Variants in RIF1 observed in about 807,000 individuals in gnomAD.
RIF1 encodes telomere-associated protein RIF1.
Under a neutral mutation model 247.1 loss-of-function variants are expected in RIF1, and 45 were observed. That is an observed-to-expected ratio of 0.18 (90% CI 0.14 to 0.23). The LOEUF (loss-of-function observed/expected upper bound fraction) is 0.23, where lower values mean the gene tolerates loss of function less well. Among genes scored for constraint, RIF1 ranks in the 10% least tolerant of loss-of-function variants. The pLI is 1.00. For missense variants in RIF1, 2,967 were observed against 2,862.5 expected, an observed-to-expected ratio of 1.04 and a Z score of -0.83; for synonymous variants, 1,087 against 978.8, an observed-to-expected ratio of 1.11 and a Z score of -2.06.
At position 151,418,760 on chromosome 2, in the gene RIF1, G is replaced by A. The variant is rs147725445; in HGVS notation, c.504-1430G>A. On this transcript the variant is annotated intron_variant, in intron 6 of 35. Coordinates refer to ENST00000444746, the MANE Select transcript of RIF1 (RefSeq NM_018151.5). ...GTGGTGACGCGTGCCTGTAATCTCAGCTATATGGGAGACTGAGGCATTGAG... is the reference window on the plus strand; with the variant it reads ...GTGGTGACGCGTGCCTGTAATCTCAACTATATGGGAGACTGAGGCATTGAG... Among the ~76,000 whole-genome samples the A allele has an allele frequency of 4.7e-4, 72 of 152,060 alleles. No individual in the cohort carries two copies. In the East Asian group the frequency reaches 0.012, roughly 25 times the overall value.
chr2:151,465,047 TC>T lies in RIF1; in HGVS notation c.5528del (p.Ser1843LeufsTer24). 6.3e-7 allele frequency: 1 copy of T among 1,588,748 alleles called. No individual in the cohort carries two copies. Among genetic ancestry groups the T allele is most frequent in the Non-Finnish European group, 8.5e-7 (1 of 1,173,552 alleles). ...NFREEICDMD[S>X]SEAMSLESQE... ...TAGAGAGGAAATTTGTGATATGGAT[TC>T]TAGTGAAGCAATGTCTCTTGAAAGC... On this transcript the variant is annotated frameshift_variant, in exon 30 of 36. Transcript: ENST00000444746. LOFTEE classifies it high-confidence loss of function.
At chr2:151,524,486 G>T in the RIF1 span, 2 of 1,612,934 alleles carry the variant, frequency 1.2e-6, no homozygotes, top group Middle Eastern at 1.6e-4. Flanking sequence ...GGCTGTTGGG[G>T]ACTGGGGACA....
intron 21 of RIF1, among the ~76,000 whole-genome samples, chr2:151,454,175 G>C (rs907010940): frequency 6.6e-6 from 1 of 152,080 alleles, no homozygotes; most frequent in Admixed American, 6.6e-5. Context: ...TTAAGCATTC[G>C]TTTTCTGTTA....
chr2:151,449,679 C>G (rs1174576784), intron 20 of RIF1, among the ~76,000 whole-genome samples: 1 of 152,124 alleles, frequency 6.6e-6, no homozygotes, highest in Non-Finnish European at 1.5e-5. Flanking sequence ...CTAAGTCTAC[C>G]AAGGAAAACA....
chr2:151,503,736 G>T (rs78007533), intron 12 of RIF1, among the ~76,000 whole-genome samples: 4,083 of 152,230 alleles, frequency 0.027, 73 homozygotes, highest in African/African-American at 0.047. Context: ...TAACCATTTT[G>T]TTGCATCTAG....
the RIF1 span, among the ~76,000 whole-genome samples, chr2:151,521,410 TAAA>T: frequency 4.1e-5 from 6 of 147,902 alleles, no homozygotes; most frequent in Admixed American, 1.3e-4. Flanking sequence ...ACTCTCAACA[TAAA>T]GAAGTGGAAG....
chr2:151,501,570 AT>A, intron 11 of RIF1: 1 of 640,888 alleles, frequency 1.6e-6, no homozygotes, highest in Non-Finnish European at 2.4e-6. Flanking sequence ...TAAAAGAAGT[AT>A]TTTTATTGTT....
At position 151,461,223 on chromosome 2, in the gene RIF1, C is replaced by T; in HGVS notation, c.3161C>T (p.Pro1054Leu). The change falls in exon 27 of 36, where the codon CCA (proline) becomes CTA (leucine). Residue 1054 changes from proline to leucine, a missense_variant. By Grantham distance (98) the Pro-to-Leu change is moderately conservative (BLOSUM62 -3). Transcript: ENST00000444746. ...EKSTDFVFIP[P>L]EGKDAKERIL... ...TCTACTGACTTTGTGTTTATACCTC[C>T]AGAAGGAAAAGATGCAAAGGAAAGA... The T allele has an allele frequency of 2.5e-6, 4 of 1,613,442 alleles. No homozygotes were observed. Among genetic ancestry groups the T allele is most frequent in the Non-Finnish European group, 3.4e-6 (4 of 1,179,710 alleles).
At chr2:151,527,635 CAT>C in the RIF1 span, 1 of 1,317,580 alleles carries the variant, frequency 7.6e-7, no homozygotes, top group East Asian at 2.4e-5. Flanking sequence ...AGGCTAAATT[CAT>C]AAACACACAC....
intron 7 of RIF1, among the ~76,000 whole-genome samples, chr2:151,420,632 G>A (rs1688003145): frequency 2.0e-5 from 3 of 151,654 alleles, no homozygotes; most frequent in South Asian, 4.2e-4. Context: ...AGATGCTTGG[G>A]AGACTAAGGC....
At chr2:151,453,304 C>T (rs994280437) in intron 21 of RIF1, among the ~76,000 whole-genome samples, 2 of 152,068 alleles carry the variant, frequency 1.3e-5, no homozygotes, top group Non-Finnish European at 2.9e-5. Flanking sequence ...AGGCTGGGTG[C>T]AGTGGCTCAC....
intron 6 of RIF1, among the ~76,000 whole-genome samples, chr2:151,417,943 C>T (rs967168870): frequency 1.3e-5 from 2 of 151,966 alleles, no homozygotes; most frequent in Admixed American, 6.6e-5. Flanking sequence ...ACTTCTAACA[C>T]GATACTATTT....
chr2:151,437,199 A>ATCTGTTGTT, intron 12 of RIF1, 42 bp from the exon 13 acceptor site: 1 of 1,456,172 alleles, frequency 6.9e-7, no homozygotes, highest in Non-Finnish European at 9.6e-7. Flanking sequence ...TATTTCATAA[A>ATCTGTTGTT]TCTGTTGTTT....
Position 151,456,593 on chromosome 2 carries a change from TA to T in RIF1, c.2628del (p.Val877TyrfsTer5). 1 of 1,529,144 alleles carries T rather than the reference TA, an allele frequency of 6.5e-7. No homozygotes were observed. The highest frequency in any genetic ancestry group is 9.0e-7 in the Non-Finnish European group (1 of 1,112,172). The allele number at this position is 1,529,144 out of a possible 1,614,324, so 94.7% of individuals were successfully genotyped here. On this transcript the variant is annotated frameshift_variant, in exon 23 of 36. Coordinates refer to ENST00000444746, the MANE Select transcript of RIF1 (RefSeq NM_018151.5). LOFTEE classifies it high-confidence loss of function. ...TCCTTCCTAGGCTTGATGAAGTTCC[TA>T]AAGTATATAGTTGTCTGAACAACAA... is the stretch of plus-strand genomic sequence containing the variant. The part of the protein sequence containing the change: ...YENSKLDEVP[K>X]VYSCLNNKLE...
the RIF1 span, chr2:151,518,192 C>T: frequency 1.4e-6 from 1 of 734,348 alleles, no homozygotes; most frequent in Non-Finnish European, 2.5e-6. Flanking sequence ...AAAAAGTTAC[C>T]AGATTCAAAA....
At chr2:151,525,398 A>ATC in the RIF1 span, 3 of 674,486 alleles carry the variant, frequency 4.4e-6, no homozygotes, top group African/African-American at 1.8e-5. Context: ...TGGGACTTAG[A>ATC]TAAGACCCAT....
chr2:151,529,655 T>C, the RIF1 span, among the ~76,000 whole-genome samples: 1,037 of 152,146 alleles, frequency 6.8e-3, 24 homozygotes, highest in Admixed American at 0.039. Context: ...CTCAGCCTCC[T>C]GAGTACCTGG....
At chr2:151,502,989 A>G in intron 11 of RIF1, 1 of 673,690 alleles carries the variant, frequency 1.5e-6, no homozygotes, top group Non-Finnish European at 2.6e-6. Flanking sequence ...GCAGTTTTTT[A>G]GTAAGTAATA....
At chr2:151,492,013 T>C in intron 9 of RIF1, 1 of 1,390,184 alleles carries the variant, frequency 7.2e-7, no homozygotes, top group African/African-American at 1.4e-5. Context: ...TCCTTTATGT[T>C]TTGACTTGAT....
Sources: allele counts gnomAD v4.1 joint callset (sites outside exome capture counted in the v4.1 genomes callset), GRCh38; gene constraint gnomAD v4.1.1; transcripts MANE v1.5; gene names NCBI Gene and HGNC (gene_info 2026-07-23, HGNC 2026-07-21).